MPDZ: variants seen among roughly 807,000 people sequenced by gnomAD.
The protein encoded by MPDZ is multiple PDZ domain protein.
Under a neutral mutation model 239.1 loss-of-function variants are expected in MPDZ, and 234 were observed. The ratio of observed to expected loss-of-function variants is 0.98; its 90% CI spans 0.88 to 1.09. The LOEUF (loss-of-function observed/expected upper bound fraction) is 1.09. Ranked by LOEUF, MPDZ falls within the 50% of genes least tolerant of loss-of-function variation. The pLI is 0.00. For synonymous variants in MPDZ, 1,048 were observed against 881.3 expected, an observed-to-expected ratio of 1.19 and a Z score of -3.35; for missense variants, 3,175 against 2,510.0, an observed-to-expected ratio of 1.26 and a Z score of -5.66.
intron 12 of MPDZ, among the ~76,000 whole-genome samples, chr9:13,199,228 C>G (rs1482436068): frequency 8.6e-5 from 13 of 151,994 alleles, no homozygotes; most frequent in Admixed American, 8.5e-4. Context: ...TCTTTTACTT[C>G]TTTGTTTACA....
chr9:13,127,057 C>T (rs1262369981), intron 32 of MPDZ, among the ~76,000 whole-genome samples: 1 of 152,200 alleles, frequency 6.6e-6, no homozygotes, highest in African/African-American at 2.4e-5. Context: ...AGCAAAAATA[C>T]ATTCAATAAT....
chr9:13,164,272 A>G (rs1032420474), intron 22 of MPDZ, among the ~76,000 whole-genome samples: 5 of 152,216 alleles, frequency 3.3e-5, no homozygotes, highest in African/African-American at 9.6e-5. Context: ...TAATTTATTC[A>G]TCTATAAAGA....
At chr9:13,277,333 T>A (rs1398038096) in intron 1 of MPDZ, among the ~76,000 whole-genome samples, 1 of 152,028 alleles carries the variant, frequency 6.6e-6, no homozygotes, top group East Asian at 1.9e-4. Context: ...AAGGAACATA[T>A]GTAAGAAATA....
intron 19 of MPDZ, among the ~76,000 whole-genome samples, chr9:13,180,799 G>T (rs1039256332): frequency 2.0e-5 from 3 of 152,190 alleles, no homozygotes; most frequent in Admixed American, 2.0e-4. Flanking sequence ...TATTTTTCAG[G>T]TTCTTGAGTA....
chr9:13,224,450 G>A lies in MPDZ; in HGVS notation c.317C>T (p.Thr106Ile), dbSNP rs1459077735. 6.2e-6 allele frequency: 10 copies of A among 1,612,952 alleles called. No individual in the cohort carries two copies. The highest frequency in any genetic ancestry group is 8.5e-6 in the Non-Finnish European group (10 of 1,179,292). ...SPNNGNLEAL[T>I]GPGIPHINGK... ...ATTAATGTGTGGAATACCAGGTCCT[G>A]TAAGTGCTTCCAGATTCCCATTGTT... Residue 106 changes from threonine to isoleucine, a missense_variant, in exon 4 of 47, where the codon ACA (threonine) becomes ATA (isoleucine). Thr to Ile is a moderately conservative substitution (Grantham distance 89, BLOSUM62 -1). Transcript: ENST00000319217.
chr9:13,113,155 GTTTC>G, intron 41 of MPDZ, 101 bp from the exon 42 acceptor site: 1 of 1,117,990 alleles, frequency 8.9e-7, no homozygotes, highest in Non-Finnish European at 1.3e-6. Context: ...GATAACCTAG[GTTTC>G]TTTTTTTAAG....
rs1377591866 is a variant in MPDZ, at chr9:13,136,320, GTTTTCTTTT to G, written c.4293-147_4293-139del. The stretch of plus-strand genomic sequence containing the variant: ...CTGTGACACTTACAAATTTACAAAC[GTTTTCTTTT>G]TTTTTTTTTTTTTTTTTTTTGAGAC... On this transcript the variant is annotated intron_variant, in intron 30 of 46. Transcript: ENST00000319217. 146 of 194,640 alleles carry G rather than the reference GTTTTCTTTT, an allele frequency of 7.5e-4. 3 individuals are homozygous for G. Among genetic ancestry groups the G allele is most frequent in the Non-Finnish European group, 5.4e-4 (66 of 121,116 alleles). 12.1% of individuals were successfully genotyped at this position (194,640 alleles called of 1,614,324 possible).
intron 26 of MPDZ, among the ~76,000 whole-genome samples, chr9:13,146,762 T>C (rs940284294): frequency 2.0e-5 from 3 of 151,992 alleles, no homozygotes; most frequent in Non-Finnish European, 4.4e-5. Context: ...TTTTTTTTCA[T>C]GAGGCATAAA....
chr9:13,197,634 C>T (rs1955819389), intron 12 of MPDZ, among the ~76,000 whole-genome samples: 1 of 151,826 alleles, frequency 6.6e-6, no homozygotes, highest in Non-Finnish European at 1.5e-5. Flanking sequence ...AATCTTCTTC[C>T]TATTTTGACA....
chr9:13,190,110 T>G lies in MPDZ; in HGVS notation c.2154+4A>C, dbSNP rs201754677. On this transcript the variant is annotated splice_donor_region_variant and intron_variant, in intron 16 of 46. Coordinates refer to ENST00000319217, the MANE Select transcript of MPDZ (RefSeq NM_001378778.1). Reference sequence around the variant, plus strand: ...AAAAATTGTTAAAAGTAGTATATACTTACCTGATAATCTAAAATGCTAAAA... The same window carrying G: ...AAAAATTGTTAAAAGTAGTATATACGTACCTGATAATCTAAAATGCTAAAA... 6.8e-6 allele frequency: 11 copies of G among 1,609,848 alleles called. No individual in the cohort carries two copies. Among genetic ancestry groups the G allele is most frequent in the Non-Finnish European group, 9.3e-6 (11 of 1,177,850 alleles).
rs1318667184 is a variant in MPDZ, at chr9:13,203,726, TG to T, written c.1546+1309del. Among the ~76,000 whole-genome samples the T allele has an allele frequency of 9.5e-4, 91 of 95,812 alleles. 1 individual carries two copies. The South Asian group carries it at 0.023, about 24-fold the overall frequency. The allele number at this position is 95,812 out of a possible 152,430, so 62.9% of individuals were successfully genotyped here. ...GGTCTATAGTCACCCCCATGTATCC[TG>T]CCACACACACACACACACACACACA... On this transcript the variant is annotated intron_variant, in intron 12 of 46. Coordinates refer to ENST00000319217, the MANE Select transcript of MPDZ (RefSeq NM_001378778.1).
At chr9:13,122,006 A>C in intron 37 of MPDZ, 74 bp from the exon 38 acceptor site, 1 of 1,598,388 alleles carries the variant, frequency 6.3e-7, no homozygotes, top group Non-Finnish European at 8.6e-7. Flanking sequence ...GGGAAGAGAG[A>C]GAAAGAAGCA....
intron 14 of MPDZ, 137 bp downstream of exon 14, chr9:13,193,030 T>C: frequency 1.3e-6 from 1 of 766,014 alleles, no homozygotes; most frequent in Admixed American, 3.9e-5. Flanking sequence ...CTGCTTTGGG[T>C]TGTTTTTATC....
In MPDZ at chr9:13,190,298, G is replaced by A; in HGVS notation, c.1970C>T (p.Pro657Leu). 12 of 1,561,470 alleles carry A rather than the reference G, an allele frequency of 7.7e-6. No homozygotes were observed. Among genetic ancestry groups the A allele is most frequent in the Non-Finnish European group, 8.7e-6 (10 of 1,155,268 alleles). Reference sequence around the variant, plus strand: ...GATGAACTCACCTAGATCTACGTGAGGCTGGATAATATCAGACAGCTCTTA... The same window carrying A: ...GATGAACTCACCTAGATCTACGTGAAGCTGGATAATATCAGACAGCTCTTA... Reference protein sequence around the residue: ...DLCDIELTEKPHVDLGEFIGS... With the variant: ...DLCDIELTEKLHVDLGEFIGS... The change falls in exon 16 of 47, where the codon CCT (proline) becomes CTT (leucine). Residue 657 changes from proline (P) to leucine (L), a missense_variant and splice_region_variant. Coordinates refer to ENST00000319217, the MANE Select transcript of MPDZ (RefSeq NM_001378778.1).
intron 34 of MPDZ, 83 bp from the exon 35 acceptor site, chr9:13,125,473 A>C: frequency 1.6e-6 from 2 of 1,267,336 alleles, no homozygotes; most frequent in Admixed American, 4.0e-5. Flanking sequence ...TATCAATGGA[A>C]TCTAATTCTC....
At chr9:13,277,637 T>C (rs1463644937) in intron 1 of MPDZ, among the ~76,000 whole-genome samples, 1 of 152,180 alleles carries the variant, frequency 6.6e-6, no homozygotes, top group African/African-American at 2.4e-5. Context: ...CGATCTCGGC[T>C]CAATGCAACC....
At chr9:13,192,795 G>T (rs1463574850) in intron 14 of MPDZ, among the ~76,000 whole-genome samples, 1 of 152,124 alleles carries the variant, frequency 6.6e-6, no homozygotes, top group Non-Finnish European at 1.5e-5. Flanking sequence ...AATGAAGGGT[G>T]ATGAGAACTG....
intron 1 of MPDZ, among the ~76,000 whole-genome samples, chr9:13,257,336 A>C (rs1481400154): frequency 6.6e-6 from 1 of 152,114 alleles, no homozygotes; most frequent in East Asian, 1.9e-4. Flanking sequence ...AGATAACACA[A>C]CAGAGAAAAG....
At chr9:13,148,653 T>C (rs1433443745) in intron 25 of MPDZ, among the ~76,000 whole-genome samples, 1 of 152,022 alleles carries the variant, frequency 6.6e-6, no homozygotes, top group Admixed American at 6.6e-5. Context: ...GTCTACTATA[T>C]ATTCCATTCG....
Sources: gnomAD v4.1 joint callset for allele counts (sites outside exome capture counted in the v4.1 genomes callset) on GRCh38, gnomAD v4.1.1 for gene constraint, MANE v1.5 for transcripts, NCBI Gene and HGNC (gene_info 2026-07-23, HGNC 2026-07-21) for gene names.